Variants in FALEC observed in about 807,000 individuals in gnomAD.
The protein encoded by FALEC is focally amplified lncRNA on chromosome 1.
chr1:150,522,538 G>A (rs1393528533), downstream of FALEC, among the ~76,000 whole-genome samples: 3 of 151,198 alleles, frequency 2.0e-5, no homozygotes, highest in African/African-American at 4.9e-5. Flanking sequence ...CAGGAGAATC[G>A]CTTGAACCCA....
chr1:150,525,148 A>G, the FALEC span, among the ~76,000 whole-genome samples: 1 of 152,018 alleles, frequency 6.6e-6, no homozygotes, highest in Non-Finnish European at 1.5e-5. Flanking sequence ...TTAGCCAGGC[A>G]TGGTGGCACG....
chr1:150,515,828 C>T (rs1286050302), exon 1 of FALEC: 2 of 152,446 alleles, frequency 1.3e-5, no homozygotes, highest in Non-Finnish European at 2.9e-5. Flanking sequence ...CAGCAATTCC[C>T]CTACCCCCCG....
downstream of FALEC, among the ~76,000 whole-genome samples, chr1:150,521,024 C>A (rs991313039): frequency 5.9e-5 from 9 of 152,000 alleles, no homozygotes; most frequent in Admixed American, 3.9e-4. Context: ...TGGTCTCGAA[C>A]TCCCGACCTC....
the FALEC span, among the ~76,000 whole-genome samples, chr1:150,527,312 G>A: frequency 2.6e-5 from 4 of 151,494 alleles, no homozygotes; most frequent in African/African-American, 7.3e-5. Flanking sequence ...AGGCTGGAGT[G>A]CAGTGGTATG....
chr1:150,525,407 G>A, the FALEC span, among the ~76,000 whole-genome samples: 2 of 152,144 alleles, frequency 1.3e-5, no homozygotes, highest in Non-Finnish European at 2.9e-5. Context: ...CAAGGCTGCA[G>A]TCAGCCATGA....
At chr1:150,517,296 C>CAAAAAA (rs34702640) in intron 1 of FALEC, among the ~76,000 whole-genome samples, 1 of 93,228 alleles carries the variant, frequency 1.1e-5, no homozygotes. Flanking sequence ...GACTCCGTCT[C>CAAAAAA]AAAAAAAAAA....
chr1:150,529,887 G>A, the FALEC span, among the ~76,000 whole-genome samples: 13 of 152,096 alleles, frequency 8.5e-5, no homozygotes, highest in African/African-American at 2.2e-4. Flanking sequence ...GTGAGCCACC[G>A]CGCCCAGCCT....
chr1:150,522,244 CAAAAA>C (rs60709164), downstream of FALEC, among the ~76,000 whole-genome samples: 355 of 119,040 alleles, frequency 3.0e-3, 1 homozygote, highest in Middle Eastern at 9.5e-3. Context: ...GAGACTGTCT[CAAAAA>C]AAAAAAAAAA....
chr1:150,523,834 T>C, the FALEC span, among the ~76,000 whole-genome samples: 2 of 152,104 alleles, frequency 1.3e-5, no homozygotes, highest in African/African-American at 4.8e-5. Context: ...GGTATGGATC[T>C]TGAGATGGGA....
downstream of FALEC, among the ~76,000 whole-genome samples, chr1:150,522,966 TATA>T (rs1670673634): frequency 4.6e-5 from 2 of 43,646 alleles, no homozygotes; most frequent in African/African-American, 1.0e-4. Context: ...TATATATATA[TATA>T]TATATATATA....
At chr1:150,521,797 A>G (rs990337274), downstream of FALEC, among the ~76,000 whole-genome samples, 1 of 152,212 alleles carries the variant, frequency 6.6e-6, no homozygotes, top group East Asian at 1.9e-4. Flanking sequence ...TCCTTGCACA[A>G]TACTGCACAG....
At chr1:150,518,409 A>C (rs1570891185), downstream of FALEC, among the ~76,000 whole-genome samples, 1 of 141,974 alleles carries the variant, frequency 7.0e-6, no homozygotes, top group Admixed American at 7.1e-5. Context: ...TTTAAGATGG[A>C]GTTTCACTCT....
downstream of FALEC, among the ~76,000 whole-genome samples, chr1:150,519,104 T>G (rs1299375100): frequency 6.6e-6 from 1 of 152,062 alleles, no homozygotes; most frequent in African/African-American, 2.4e-5. Context: ...ATAAATGTAT[T>G]ATAGCTCAAT....
At chr1:150,532,672 A>G in the FALEC span, among the ~76,000 whole-genome samples, 1 of 152,044 alleles carries the variant, frequency 6.6e-6, no homozygotes, top group Non-Finnish European at 1.5e-5. Flanking sequence ...CACTGAGTGC[A>G]TAGTGTGTGC....
At chr1:150,532,727 G>A in the FALEC span, among the ~76,000 whole-genome samples, 10 of 152,026 alleles carry the variant, frequency 6.6e-5, no homozygotes, top group South Asian at 4.1e-4. Flanking sequence ...CACTGACTTC[G>A]TGGAGCTCGC....
the FALEC span, among the ~76,000 whole-genome samples, chr1:150,526,396 G>C: frequency 1.1e-3 from 161 of 150,610 alleles, 2 homozygotes; most frequent in African/African-American, 3.7e-3. Flanking sequence ...ACAGGGTCTC[G>C]CTATGTCGCC....
chr1:150,520,895 C>T (rs1008952241), downstream of FALEC, among the ~76,000 whole-genome samples: 1 of 149,862 alleles, frequency 6.7e-6, no homozygotes, highest in Non-Finnish European at 1.5e-5. Flanking sequence ...CTGCAACCTC[C>T]GCCTCCTGGG....
At chr1:150,532,960 G>A in the FALEC span, among the ~76,000 whole-genome samples, 1 of 152,154 alleles carries the variant, frequency 6.6e-6, no homozygotes, top group Non-Finnish European at 1.5e-5. Flanking sequence ...GAGAGGAAGA[G>A]CTTTTCCAGG....
At chr1:150,527,315 G>A in the FALEC span, among the ~76,000 whole-genome samples, 2 of 151,410 alleles carry the variant, frequency 1.3e-5, no homozygotes, top group African/African-American at 4.9e-5. Flanking sequence ...CTGGAGTGCA[G>A]TGGTATGATC....
Sources: allele counts gnomAD v4.1 joint callset (sites outside exome capture counted in the v4.1 genomes callset), GRCh38; gene constraint gnomAD v4.1.1; transcripts MANE v1.5; gene names NCBI Gene and HGNC (gene_info 2026-07-23, HGNC 2026-07-21).